Variants in IGF2BP3 observed in about 807,000 individuals in gnomAD.
The protein encoded by IGF2BP3 is insulin like growth factor 2 mRNA binding protein 3, also known as insulin-like growth factor 2 mRNA-binding protein 3.
A neutral mutation model predicts 73.8 loss-of-function variants in IGF2BP3; 9 were observed. The observed-to-expected ratio is 0.12, with a 90% CI of 0.07 to 0.21. IGF2BP3 has a LOEUF of 0.21. Ranked by LOEUF, IGF2BP3 falls within the 10% of genes least tolerant of loss-of-function variation. IGF2BP3 has a pLI of 1.00. For missense variants in IGF2BP3, 542 were observed against 714.0 expected (o/e 0.76, Z 2.75); for synonymous variants, 258 against 256.7 (o/e 1.01, Z -0.05).
At chr7:23,326,331 G>A (rs1469457050) in intron 10 of IGF2BP3, among the ~76,000 whole-genome samples, 1 of 152,102 alleles carries the variant, frequency 6.6e-6, no homozygotes, top group Non-Finnish European at 1.5e-5. Flanking sequence ...CACCATCACT[G>A]GCCATCAGAG....
chr7:23,377,691 T>A (rs1315727303), intron 3 of IGF2BP3, among the ~76,000 whole-genome samples: 1 of 152,176 alleles, frequency 6.6e-6, no homozygotes, highest in African/African-American at 2.4e-5. Context: ...CATCATTCAA[T>A]GGAAACAACC....
rs559165585 is a variant in IGF2BP3 at position 23,317,729 on chromosome 7, C to G, written c.1321-16G>C. 5.0e-6 allele frequency: 8 copies of G among 1,608,414 alleles called. No individual in the cohort carries two copies. Among genetic ancestry groups the G allele is most frequent in the Non-Finnish European group, 6.8e-6 (8 of 1,174,728 alleles). ...CTGGAGCAATCTGTAACAGACCCAA[C>G]AACAAGTTATGATACTTTCAGGTAT... On this transcript the variant is annotated splice_polypyrimidine_tract_variant and intron_variant, in intron 11 of 14. Coordinates refer to ENST00000258729, the MANE Select transcript of IGF2BP3 (RefSeq NM_006547.3).
chr7:23,363,015 A>C (rs1785271412), intron 3 of IGF2BP3, among the ~76,000 whole-genome samples: 1 of 151,230 alleles, frequency 6.6e-6, no homozygotes, highest in Admixed American at 6.6e-5. Context: ...CTGGCCTCCC[A>C]AAGTGCCAGG....
In IGF2BP3 at chr7:23,313,752, T is replaced by A. The variant is rs1029114007; in HGVS notation, c.1396-99A>T. The A allele has an allele frequency of 9.3e-6, 10 of 1,080,738 alleles. No homozygotes were observed. The African/African-American group carries it at 1.4e-4, about 15-fold the overall frequency. The allele number at this position is 1,080,738 out of a possible 1,614,324, so 66.9% of individuals were successfully genotyped here. On this transcript the variant is annotated intron_variant, in intron 12 of 14. Coordinates refer to ENST00000258729, the MANE Select transcript of IGF2BP3 (RefSeq NM_006547.3). The stretch of plus-strand genomic sequence containing the variant: ...CCCAAATCCAAGTGGGATAGCCCTT[T>A]GCAGTGATACATCTACATTTCATAG...
At chr7:23,314,385 C>CA (rs1783917838) in intron 12 of IGF2BP3, among the ~76,000 whole-genome samples, 1 of 151,924 alleles carries the variant, frequency 6.6e-6, no homozygotes, top group South Asian at 2.1e-4. Context: ...GGGGTTTCAC[C>CA]ATGTTGGTCA....
At chr7:23,430,634 G>A (rs1302795218) in intron 2 of IGF2BP3, among the ~76,000 whole-genome samples, 1 of 152,174 alleles carries the variant, frequency 6.6e-6, no homozygotes, top group Non-Finnish European at 1.5e-5. Context: ...ATACAGTTAA[G>A]AATCAGCTCT....
intron 2 of IGF2BP3, among the ~76,000 whole-genome samples, chr7:23,464,481 A>C (rs1788518314): frequency 6.6e-6 from 1 of 152,136 alleles, no homozygotes; most frequent in Non-Finnish European, 1.5e-5. Flanking sequence ...AACAAACAAA[A>C]AACAACGTTT....
intron 10 of IGF2BP3, among the ~76,000 whole-genome samples, chr7:23,338,578 T>C (rs781480369): frequency 1.3e-5 from 2 of 152,156 alleles, no homozygotes; most frequent in Non-Finnish European, 2.9e-5. Context: ...TTCCACCTGC[T>C]CCCACTGAGA....
At chr7:23,446,432 G>T (rs374400205) in intron 2 of IGF2BP3, among the ~76,000 whole-genome samples, 1 of 151,894 alleles carries the variant, frequency 6.6e-6, no homozygotes, top group Non-Finnish European at 1.5e-5. Context: ...GCATGGTGGC[G>T]GGCACCTGAA....
At chr7:23,340,792 CA>C (rs1327014054) in intron 10 of IGF2BP3, among the ~76,000 whole-genome samples, 3 of 152,006 alleles carry the variant, frequency 2.0e-5, no homozygotes, top group Non-Finnish European at 2.9e-5. Flanking sequence ...TTTCTGACCT[CA>C]AGGAAACTGC....
At chr7:23,345,273 G>A (rs1338409186) in intron 8 of IGF2BP3, among the ~76,000 whole-genome samples, 9 of 152,202 alleles carry the variant, frequency 5.9e-5, no homozygotes, top group Non-Finnish European at 1.0e-4. Context: ...CTGCCTCCAA[G>A]GTGATTCCTG....
intron 10 of IGF2BP3, among the ~76,000 whole-genome samples, chr7:23,336,444 AT>A (rs74274531): frequency 0.016 from 2,248 of 142,694 alleles, 31 homozygotes; most frequent in African/African-American, 0.038. Flanking sequence ...TTTCTAAACC[AT>A]TTTTTTTTTT....
intron 10 of IGF2BP3, among the ~76,000 whole-genome samples, chr7:23,341,511 C>CA (rs2055605206): frequency 6.6e-6 from 1 of 151,904 alleles, no homozygotes; most frequent in Admixed American, 6.6e-5. Context: ...ACTAAAAATA[C>CA]AAAAAAAGTA....
At chr7:23,451,611 A>G (rs1398086530) in intron 2 of IGF2BP3, among the ~76,000 whole-genome samples, 1 of 152,088 alleles carries the variant, frequency 6.6e-6, no homozygotes, top group African/African-American at 2.4e-5. Flanking sequence ...AAAACAAAAC[A>G]GACCTCTATC....
intron 2 of IGF2BP3, among the ~76,000 whole-genome samples, chr7:23,462,420 A>G (rs1788470695): frequency 6.7e-6 from 1 of 148,950 alleles, no homozygotes; most frequent in Admixed American, 6.7e-5. Flanking sequence ...GGAGTGCAGT[A>G]GCGCGATCTC....
chr7:23,447,712 C>T (rs914124292), intron 2 of IGF2BP3, among the ~76,000 whole-genome samples: 1 of 152,152 alleles, frequency 6.6e-6, no homozygotes. Flanking sequence ...GGGACTCACA[C>T]CAGCAATCTC....
intron 7 of IGF2BP3, among the ~76,000 whole-genome samples, chr7:23,347,252 A>G (rs1056618102): frequency 6.6e-6 from 1 of 152,138 alleles, no homozygotes; most frequent in Admixed American, 6.5e-5. Flanking sequence ...GCAGTGGACA[A>G]GAACAGAGCT....
At chr7:23,465,722 A>G (rs988067061) in intron 2 of IGF2BP3, among the ~76,000 whole-genome samples, 1 of 152,210 alleles carries the variant, frequency 6.6e-6, no homozygotes, top group Non-Finnish European at 1.5e-5. Flanking sequence ...CCTGCCTCAG[A>G]TGCCCACATG....
intron 3 of IGF2BP3, among the ~76,000 whole-genome samples, chr7:23,383,824 C>T (rs754095951): frequency 1.3e-5 from 2 of 152,064 alleles, no homozygotes; most frequent in South Asian, 2.1e-4. Context: ...GAGCCGGGCG[C>T]GGTGGCTCAC....
Sources: gnomAD v4.1 joint callset for allele counts (sites outside exome capture counted in the v4.1 genomes callset) on GRCh38, gnomAD v4.1.1 for gene constraint, MANE v1.5 for transcripts, NCBI Gene and HGNC (gene_info 2026-07-23, HGNC 2026-07-21) for gene names.